SPPL3: variants seen among roughly 807,000 people sequenced by gnomAD.
SPPL3 encodes the protein signal peptide peptidase like 3.
Under a neutral mutation model 42.4 loss-of-function variants are expected in SPPL3, and 5 were observed. The ratio of observed to expected loss-of-function variants is 0.12; its 90% CI spans 0.06 to 0.25. The LOEUF (loss-of-function observed/expected upper bound fraction) is 0.25. SPPL3 is among the 10% of genes least tolerant of loss of function. The probability of loss-of-function intolerance (pLI) is 1.00; values close to 1 mark genes in which losing one functional copy is unlikely to be tolerated. For synonymous variants in SPPL3, 195 were observed against 181.8 expected (o/e 1.07, Z -0.58); for missense variants, 235 against 489.0 (o/e 0.48, Z 4.90).
At chr12:120,827,624 G>A (rs905523950) in intron 1 of SPPL3, among the ~76,000 whole-genome samples, 4 of 152,124 alleles carry the variant, frequency 2.6e-5, no homozygotes, top group African/African-American at 9.7e-5. Flanking sequence ...CAGAGGTCAT[G>A]CTTTAAACCA....
At chr12:120,877,941 G>C (rs1266285564) in intron 1 of SPPL3, among the ~76,000 whole-genome samples, 1 of 151,924 alleles carries the variant, frequency 6.6e-6, no homozygotes, top group Non-Finnish European at 1.5e-5. Flanking sequence ...AGAATCGCTT[G>C]AATCTGGGAG....
intron 1 of SPPL3, among the ~76,000 whole-genome samples, chr12:120,830,687 T>G (rs1228614031): frequency 6.6e-6 from 1 of 150,624 alleles, no homozygotes; most frequent in African/African-American, 2.4e-5. Context: ...AAAACAGAGA[T>G]AATCCCATTA....
In SPPL3 at chr12:120,763,964, T is replaced by C. The variant is rs1868771532; in HGVS notation, c.*1035A>G. ...GAGAAAGCACAAAGACACCTGCTGC[T>C]ATAATACATGCATTGGCTCGAGAAG... is the stretch of plus-strand genomic sequence containing the variant. On this transcript the variant is annotated 3_prime_UTR_variant, in exon 11 of 11. Transcript: ENST00000353487. 3 of 152,586 alleles carry C rather than the reference T, an allele frequency of 2.0e-5. No homozygotes were observed. Among genetic ancestry groups the C allele is most frequent in the African/African-American group, 2.4e-5 (1 of 41,432 alleles). 9.5% of individuals were successfully genotyped at this position (152,586 alleles called of 1,614,324 possible).
chr12:120,792,185 T>C (rs531015689), intron 2 of SPPL3, among the ~76,000 whole-genome samples: 20 of 152,242 alleles, frequency 1.3e-4, no homozygotes, highest in African/African-American at 4.3e-4. Flanking sequence ...GTTTGAAATT[T>C]TAGACAGGAT....
intron 1 of SPPL3, among the ~76,000 whole-genome samples, chr12:120,876,533 C>T (rs1232074835): frequency 7.0e-6 from 1 of 142,080 alleles, no homozygotes; most frequent in African/African-American, 2.6e-5. Context: ...AGGAGAATGG[C>T]GTGAACCTGG....
intron 1 of SPPL3, chr12:120,903,632 T>C: frequency 2.1e-6 from 1 of 477,068 alleles, no homozygotes; most frequent in Non-Finnish European, 3.7e-6. Context: ...TCCTCCTCCA[T>C]TCCCCTTCTC....
chr12:120,890,506 T>G (rs1015680696), intron 1 of SPPL3, among the ~76,000 whole-genome samples: 2 of 150,778 alleles, frequency 1.3e-5, no homozygotes, highest in East Asian at 3.9e-4. Flanking sequence ...GGAGAATCGC[T>G]TGAATCTGGA....
chr12:120,817,268 C>G (rs1363619687), intron 1 of SPPL3, among the ~76,000 whole-genome samples: 1 of 152,114 alleles, frequency 6.6e-6, no homozygotes, highest in Non-Finnish European at 1.5e-5. Flanking sequence ...GCACTTCAGC[C>G]TGGGTGACAG....
At chr12:120,871,597 A>G (rs1269528871) in intron 1 of SPPL3, among the ~76,000 whole-genome samples, 5 of 152,048 alleles carry the variant, frequency 3.3e-5, no homozygotes, top group Non-Finnish European at 5.9e-5. Context: ...TACTAAAAAT[A>G]CAAAAATTAG....
At chr12:120,857,281 C>T (rs1750829676) in intron 1 of SPPL3, among the ~76,000 whole-genome samples, 2 of 152,200 alleles carry the variant, frequency 1.3e-5, no homozygotes, top group African/African-American at 4.8e-5. Context: ...GTGATACCAT[C>T]TCACACCAGT....
At chr12:120,783,570 T>C in intron 5 of SPPL3, 104 bp downstream of exon 5, 3 of 1,084,080 alleles carry the variant, frequency 2.8e-6, no homozygotes, top group Non-Finnish European at 2.6e-6. Context: ...GGCATTTCTG[T>C]GCTCCAGCCA....
chr12:120,822,512 CATTT>C (rs1871104024), intron 1 of SPPL3, among the ~76,000 whole-genome samples: 1 of 152,134 alleles, frequency 6.6e-6, no homozygotes, highest in Admixed American at 6.5e-5. Context: ...TACAGATTGA[CATTT>C]AGTTATTTCC....
chr12:120,900,035 T>C (rs1873926771), intron 1 of SPPL3, among the ~76,000 whole-genome samples: 1 of 151,904 alleles, frequency 6.6e-6, no homozygotes, highest in South Asian at 2.1e-4. Context: ...AACTTACATA[T>C]AAAGGGCCTT....
At chr12:120,879,018 C>G (rs906801085) in intron 1 of SPPL3, among the ~76,000 whole-genome samples, 5 of 141,154 alleles carry the variant, frequency 3.5e-5, no homozygotes, top group Non-Finnish European at 6.0e-5. Flanking sequence ...GAGGTTGAGG[C>G]AGGAAAATCA....
chr12:120,886,403 A>G (rs1409255171), intron 1 of SPPL3, among the ~76,000 whole-genome samples: 1 of 152,210 alleles, frequency 6.6e-6, no homozygotes, highest in Non-Finnish European at 1.5e-5. Context: ...TCAAATTCAC[A>G]ACCTTACTCT....
chr12:120,798,395 C>G (rs559641409), intron 2 of SPPL3, among the ~76,000 whole-genome samples: 139 of 152,326 alleles, frequency 9.1e-4, no homozygotes, highest in Middle Eastern at 6.8e-3. Context: ...TCCTGAAAAA[C>G]TTTTTCCTAA....
intron 1 of SPPL3, among the ~76,000 whole-genome samples, chr12:120,890,712 G>A (rs1026670043): frequency 6.6e-6 from 1 of 151,908 alleles, no homozygotes; most frequent in Admixed American, 6.6e-5. Context: ...AGGGAAAAAA[G>A]GGAAGGGTCA....
At chr12:120,798,950 C>A (rs1870198673) in intron 2 of SPPL3, among the ~76,000 whole-genome samples, 1 of 152,104 alleles carries the variant, frequency 6.6e-6, no homozygotes, top group African/African-American at 2.4e-5. Context: ...CTGAGAACCC[C>A]CCGCGGGACA....
chr12:120,771,551 T>TTTG (rs1555246719), intron 6 of SPPL3, among the ~76,000 whole-genome samples: 4 of 151,820 alleles, frequency 2.6e-5, no homozygotes, highest in Non-Finnish European at 5.9e-5. Flanking sequence ...ATATACATAA[T>TTTG]TTCTTCTTTT....
Sources: gnomAD v4.1 joint callset for allele counts (sites outside exome capture counted in the v4.1 genomes callset) on GRCh38, gnomAD v4.1.1 for gene constraint, MANE v1.5 for transcripts, NCBI Gene and HGNC (gene_info 2026-07-23, HGNC 2026-07-21) for gene names.